The following TJP2 variants were observed in gnomAD, a reference collection of about 807,000 sequenced individuals.
The protein encoded by TJP2 is tight junction protein 2.
TJP2 carries 91 observed loss-of-function variants against 133.1 expected under a neutral mutation model. The observed-to-expected ratio is 0.68, with a 90% CI of 0.58 to 0.81. The LOEUF (loss-of-function observed/expected upper bound fraction) is 0.81, where lower values mean the gene tolerates loss of function less well. Ranked by LOEUF, TJP2 falls within the 40% of genes least tolerant of loss-of-function variation. The pLI, the probability that TJP2 is intolerant of heterozygous loss-of-function variation, is 0.00. For missense variants in TJP2, 1,541 were observed against 1,565.6 expected (o/e 0.98, Z 0.26); for synonymous variants, 592 against 583.4 (o/e 1.01, Z -0.21).
At chr9:69,152,692 G>T (rs146974787) in intron 2 of TJP2, among the ~76,000 whole-genome samples, 1 of 152,212 alleles carries the variant, frequency 6.6e-6, no homozygotes, top group African/African-American at 2.4e-5. Context: ...CCAGGCCCAT[G>T]CTAAGGCCTT....
At chr9:69,187,217 G>A (rs1383288074) in intron 1 of TJP2, among the ~76,000 whole-genome samples, 3 of 152,132 alleles carry the variant, frequency 2.0e-5, no homozygotes, top group Non-Finnish European at 4.4e-5. Context: ...ATCTCATTTG[G>A]CTTAGTAGTA....
chr9:69,145,305 G>C (rs1207803255), intron 1 of TJP2, among the ~76,000 whole-genome samples: 1 of 152,176 alleles, frequency 6.6e-6, no homozygotes, highest in Non-Finnish European at 1.5e-5. Context: ...CCAGTGGCAG[G>C]CAGGCTTTTT....
intron 18 of TJP2, among the ~76,000 whole-genome samples, chr9:69,247,104 G>C (rs538064774): frequency 6.6e-6 from 1 of 152,332 alleles, no homozygotes; most frequent in South Asian, 2.1e-4. Context: ...TACTAAGGAC[G>C]TGGGAAACTT....
At chr9:69,197,100 C>G (rs1336681892) in intron 1 of TJP2, among the ~76,000 whole-genome samples, 1 of 152,044 alleles carries the variant, frequency 6.6e-6, no homozygotes, top group Admixed American at 6.6e-5. Context: ...TCCCCAGCAG[C>G]TGGGATTACA....
chr9:69,221,066 C>T lies in TJP2; in HGVS notation c.522C>T (p.Ser174=). 2.5e-6 allele frequency: 4 copies of T among 1,597,360 alleles called. No homozygotes were observed. Among genetic ancestry groups the T allele is most frequent in the Non-Finnish European group, 2.6e-6 (3 of 1,172,610 alleles). The part of the protein sequence containing the change: ...HGGRSRSWED[S]PERGRPHERA... ...GGCGCAGCCGCAGCTGGGAGGACAG[C>T]CCGGAAAGGGGGCGTCCCCATGAGC... Residue 174 remains serine, a synonymous_variant, in exon 5 of 23, where the codon AGC becomes AGT. Coordinates refer to ENST00000377245, the MANE Select transcript of TJP2 (RefSeq NM_004817.4).
At chr9:69,171,457 G>A (rs1243913320), upstream of TJP2, among the ~76,000 whole-genome samples, 1 of 151,990 alleles carries the variant, frequency 6.6e-6, no homozygotes, top group Admixed American at 6.6e-5. Context: ...TCACCTTCTG[G>A]CACCTCAAGA....
chr9:69,144,332 G>A (rs1057445116), intron 1 of TJP2, among the ~76,000 whole-genome samples: 3 of 152,190 alleles, frequency 2.0e-5, no homozygotes, highest in Non-Finnish European at 4.4e-5. Context: ...TAGAAGTAGG[G>A]TTTAAGATTT....
At chr9:69,238,633 G>A in intron 15 of TJP2, 77 bp from the exon 16 acceptor site, 1 of 1,148,774 alleles carries the variant, frequency 8.7e-7, no homozygotes, top group Non-Finnish European at 1.3e-6. Flanking sequence ...TGCCATCATT[G>A]CTTGATGCTA....
At chr9:69,253,508 A>G (rs2133513087) in intron 22 of TJP2, 1 of 157,988 alleles carries the variant, frequency 6.3e-6, no homozygotes, top group Non-Finnish European at 1.4e-5. Flanking sequence ...GCTGAAGTGC[A>G]CTGGTGCAAT....
chr9:69,154,080 G>T (rs1246304134), intron 2 of TJP2, among the ~76,000 whole-genome samples: 3 of 152,180 alleles, frequency 2.0e-5, no homozygotes, highest in Non-Finnish European at 2.9e-5. Context: ...TGTAAATAAA[G>T]AACTTGAGAT....
intron 1 of TJP2, among the ~76,000 whole-genome samples, chr9:69,199,535 T>TAC (rs113343932): frequency 0.19 from 29,157 of 151,244 alleles, 2,967 homozygotes; most frequent in South Asian, 0.31. Context: ...GTCTCAGACA[T>TAC]ACACACACAC....
upstream of TJP2, among the ~76,000 whole-genome samples, chr9:69,173,346 T>C (rs114847434): frequency 5.3e-5 from 8 of 152,312 alleles, no homozygotes; most frequent in African/African-American, 1.9e-4. Flanking sequence ...TTATATGCTC[T>C]TAAAATAAAG....
rs570746516 is a variant in TJP2 at position 69,179,610 on chromosome 9, G to A, written c.60+5178G>A. On this transcript the variant is annotated intron_variant, in intron 1 of 22. Coordinates refer to ENST00000377245, the MANE Select transcript of TJP2 (RefSeq NM_004817.4). ...TGCAAGCTCCACCTCCCGGGTTCACGCCATTCAGCCTCCCCAGTAGCTGGG... is the reference window on the plus strand; with the variant it reads ...TGCAAGCTCCACCTCCCGGGTTCACACCATTCAGCCTCCCCAGTAGCTGGG... 3.3e-3 allele frequency among the ~76,000 whole-genome samples: 498 copies of A among 150,400 alleles called. 5 individuals are homozygous for A. The highest frequency in any genetic ancestry group is 0.011 in the African/African-American group (455 of 40,834).
chr9:69,132,728 T>C (rs1416751178), intron 1 of TJP2, among the ~76,000 whole-genome samples: 2 of 152,198 alleles, frequency 1.3e-5, no homozygotes, highest in African/African-American at 4.8e-5. Flanking sequence ...GACCCACTTC[T>C]AGAGGGAATG....
At chr9:69,122,420 C>T (rs1822186930) in intron 1 of TJP2, among the ~76,000 whole-genome samples, 1 of 152,186 alleles carries the variant, frequency 6.6e-6, no homozygotes, top group South Asian at 2.1e-4. Context: ...CCCGCGTGGT[C>T]CGCAAAACGG....
rs760152519 is a variant in TJP2 at position 69,221,393 on chromosome 9, A to AAGCCGC, written c.856_861dup (p.Ser286_Arg287dup). 243 of 1,581,744 alleles carry AAGCCGC rather than the reference A, an allele frequency of 1.5e-4. 2 individuals carry two copies. In the African/African-American group the frequency reaches 2.7e-3, roughly 18 times the overall value. ...ACGATGCCCGCTCTCGGGGACCCCGAAGCCGCAGCCGCGAGCACCCGCACT... is the reference window on the plus strand; with the variant it reads ...ACGATGCCCGCTCTCGGGGACCCCGAAGCCGCAGCCGCAGCCGCGAGCACCCGCACT... On this transcript the variant is annotated inframe_insertion, in exon 5 of 23. Coordinates refer to ENST00000377245, the MANE Select transcript of TJP2 (RefSeq NM_004817.4).
At chr9:69,250,900 T>G in intron 20 of TJP2, 135 bp from the exon 21 acceptor site, 1 of 969,330 alleles carries the variant, frequency 1.0e-6, no homozygotes, top group Non-Finnish European at 1.6e-6. Flanking sequence ...CCTGCTGTAT[T>G]ACATTCCTTG....
chr9:69,251,270 A>C lies in TJP2; in HGVS notation c.3227A>C (p.Lys1076Thr), dbSNP rs372741297. Residue 1076 changes from lysine to threonine, a missense_variant, in exon 21 of 23, where the codon AAA becomes ACA. Lys to Thr is a moderately conservative substitution (Grantham distance 78, BLOSUM62 -1). Transcript: ENST00000377245. The stretch of plus-strand genomic sequence containing the variant: ...AGTGAGGAGCAAGATAATGCTCCCA[A>C]ATCAGTCCTGGGCAAAGTCAAAATA... ...ESSEEQDNAP[K>T]SVLGKVKIFE... 6.2e-7 allele frequency: 1 copy of C among 1,614,224 alleles called. No homozygotes were observed.
At chr9:69,171,566 C>T (rs1171639485), upstream of TJP2, among the ~76,000 whole-genome samples, 2 of 152,052 alleles carry the variant, frequency 1.3e-5, no homozygotes. Context: ...AAACTCATTC[C>T]GACCTCTCCT....
Sources: gnomAD v4.1 joint callset for allele counts (sites outside exome capture counted in the v4.1 genomes callset) on GRCh38, gnomAD v4.1.1 for gene constraint, MANE v1.5 for transcripts, NCBI Gene and HGNC (gene_info 2026-07-23, HGNC 2026-07-21) for gene names.